STRA6: variants seen among roughly 807,000 people sequenced by gnomAD.
STRA6 encodes receptor for retinol uptake STRA6.
STRA6 carries 48 observed loss-of-function variants against 83.6 expected under a neutral mutation model. That is an observed-to-expected ratio of 0.57 (90% CI 0.46 to 0.73). The LOEUF (loss-of-function observed/expected upper bound fraction) is 0.73. Among genes scored for constraint, STRA6 ranks in the 30% least tolerant of loss-of-function variants. The pLI, the probability that STRA6 is intolerant of heterozygous loss-of-function variation, is 0.00. For synonymous variants in STRA6, 353 were observed against 362.3 expected (o/e 0.97, Z 0.29); for missense variants, 760 against 838.8 (o/e 0.91, Z 1.16).
intron 7 of STRA6, chr15:74,194,619 GC>G: frequency 1.7e-6 from 1 of 600,974 alleles, no homozygotes; most frequent in Non-Finnish European, 2.4e-6. Context: ...TGTCATGTCT[GC>G]CCTTCTGAAG....
At chr15:74,199,579 T>C (rs1023899662) in intron 2 of STRA6, among the ~76,000 whole-genome samples, 16 of 152,162 alleles carry the variant, frequency 1.1e-4, no homozygotes, top group Non-Finnish European at 2.9e-5. Flanking sequence ...TTTGACCATT[T>C]TCCTATGGAC....
At chr15:74,198,370 C>A (rs2073917415) in intron 2 of STRA6, among the ~76,000 whole-genome samples, 1 of 152,156 alleles carries the variant, frequency 6.6e-6, no homozygotes, top group Admixed American at 6.5e-5. Flanking sequence ...CTCAGCCTCC[C>A]AAAGTGCTGG....
chr15:74,195,529 A>G (rs561079455), intron 6 of STRA6, 61 bp from the exon 7 acceptor site: 6 of 1,596,946 alleles, frequency 3.8e-6, no homozygotes, highest in African/African-American at 2.7e-5. Flanking sequence ...GCCTGCAGTG[A>G]GCCCACCCAG....
Position 74,181,377 on chromosome 15 carries a change from G to C in STRA6, c.1602C>G (p.Leu534=). 1 of 1,613,362 alleles carries C rather than the reference G, an allele frequency of 6.2e-7. No homozygotes were observed. The highest frequency in any genetic ancestry group is 8.5e-7 in the Non-Finnish European group (1 of 1,179,692). The change falls in exon 17 of 19, where the codon CTC becomes CTG. Residue 534 remains leucine (L), a synonymous_variant. Coordinates refer to ENST00000395105, the MANE Select transcript of STRA6 (RefSeq NM_022369.4). ...VGAMVATWRV[L]LSALYNAIHL... is the part of the protein sequence containing the mutation. Reference sequence around the variant, plus strand: ...GGATGGCGTTGTAGAGGGCAGAGAGGAGCACTCGCCAGGTGGCCACCATGG... The same window carrying C: ...GGATGGCGTTGTAGAGGGCAGAGAGCAGCACTCGCCAGGTGGCCACCATGG...
intron 8 of STRA6, among the ~76,000 whole-genome samples, chr15:74,193,338 C>T (rs2073645442): frequency 1.3e-5 from 2 of 152,146 alleles, no homozygotes; most frequent in Non-Finnish European, 2.9e-5. Context: ...AGTCTACCTC[C>T]TCTAGGAAGC....
Position 74,184,963 on chromosome 15 carries a change from C to A in STRA6, c.1166+17G>T, listed in dbSNP as rs1555454597. 85 of 1,613,034 alleles carry A rather than the reference C, an allele frequency of 5.3e-5. No homozygotes were observed. The highest frequency in any genetic ancestry group is 6.8e-5 in the Non-Finnish European group (80 of 1,179,406). On this transcript the variant is annotated intron_variant, in intron 13 of 18. Coordinates refer to ENST00000395105, the MANE Select transcript of STRA6 (RefSeq NM_022369.4). The stretch of plus-strand genomic sequence containing the variant: ...TTCCCCACCTCGGCGCTGGGTGAGC[C>A]AGAGTCTGTCACTCACCTGTGTGTC...
intron 4 of STRA6, 52 bp from the exon 5 acceptor site, chr15:74,196,199 C>T (rs1248912345): frequency 8.7e-6 from 14 of 1,604,882 alleles, no homozygotes; most frequent in Non-Finnish European, 1.2e-5. Context: ...CCCCTGCACC[C>T]CCATTACCTC....
upstream of STRA6, among the ~76,000 whole-genome samples, chr15:74,205,758 G>A (rs2074246663): frequency 1.3e-5 from 2 of 152,180 alleles, no homozygotes; most frequent in African/African-American, 2.4e-5. Context: ...CACCCCCCAC[G>A]GAGAGCCCAG....
chr15:74,196,582 T>C (rs1274377451), intron 4 of STRA6, among the ~76,000 whole-genome samples: 1 of 152,198 alleles, frequency 6.6e-6, no homozygotes, highest in Non-Finnish European at 1.5e-5. Flanking sequence ...CCTTCTGGGC[T>C]CAGGGCAAGC....
At chr15:74,183,600 T>C (rs1177862657) in intron 14 of STRA6, 2 of 1,345,050 alleles carry the variant, frequency 1.5e-6, no homozygotes, top group African/African-American at 3.0e-5. Flanking sequence ...CCCATGTGAA[T>C]ACTTGGTGGC....
At chr15:74,196,336 C>G in intron 4 of STRA6, 189 bp from the exon 5 acceptor site, 1 of 954,496 alleles carries the variant, frequency 1.0e-6, no homozygotes, top group African/African-American at 1.6e-5. Context: ...GCTCTGGGCC[C>G]CGTGCCAAAG....
intron 7 of STRA6, 200 bp downstream of exon 7, chr15:74,195,102 G>A (rs781118090): frequency 4.1e-6 from 6 of 1,474,910 alleles, no homozygotes; most frequent in Non-Finnish European, 5.4e-6. Context: ...CTGAGGGCTG[G>A]GCCCAGCCAC....
intron 8 of STRA6, chr15:74,191,805 C>A (rs1489183278): frequency 2.1e-6 from 1 of 467,714 alleles, no homozygotes; most frequent in African/African-American, 2.0e-5. Flanking sequence ...TTTCTTCCCA[C>A]CCCTAGCCCT....
chr15:74,180,630 G>A lies in STRA6; in HGVS notation c.1840+152C>T, dbSNP rs1445381577. On this transcript the variant is annotated intron_variant, in intron 18 of 18. Transcript: ENST00000395105. The stretch of plus-strand genomic sequence containing the variant: ...CATATCATGGAAAAAATCACCCTGA[G>A]ATCAGACCAGGAGGGGTGACCAAAG... 6 of 1,070,254 alleles carry A rather than the reference G, an allele frequency of 5.6e-6. No homozygotes were observed. The East Asian group carries it at 1.0e-4, about 18-fold the overall frequency. The allele number at this position is 1,070,254 out of a possible 1,614,324, so 66.3% of individuals were successfully genotyped here. A position where few individuals can be genotyped will look rare whatever the true frequency, so the allele number is the denominator to read the frequency against.
At chr15:74,198,084 G>A (rs368336653) in intron 2 of STRA6, among the ~76,000 whole-genome samples, 3 of 152,104 alleles carry the variant, frequency 2.0e-5, no homozygotes, top group South Asian at 4.2e-4. Flanking sequence ...AGAGTAGACC[G>A]GCTCGGCCTG....
intron 8 of STRA6, among the ~76,000 whole-genome samples, chr15:74,192,826 C>T (rs2073613630): frequency 6.6e-6 from 1 of 152,200 alleles, no homozygotes; most frequent in Non-Finnish European, 1.5e-5. Flanking sequence ...CCTCTCTCAC[C>T]AGAAAGAAGT....
At chr15:74,183,694 G>C in intron 14 of STRA6, 162 bp downstream of exon 14, 1 of 1,570,266 alleles carries the variant, frequency 6.4e-7, no homozygotes, top group South Asian at 1.2e-5. Flanking sequence ...GCTTCTTAAG[G>C]GCAGGGAAGG....
At chr15:74,209,539 G>C, upstream of STRA6, 1 of 1,128,430 alleles carries the variant, frequency 8.9e-7, no homozygotes, top group Non-Finnish European at 1.2e-6. Flanking sequence ...TTCCAGGTAT[G>C]ATCTATTCCC....
At position 74,196,068 on chromosome 15, in the gene STRA6, A is replaced by G; in HGVS notation, c.346T>C (p.Leu116=). The part of the protein sequence containing the change: ...VFMVLLSSLC[L]LLPDEDALPF... ...AATGCGTCCTCGTCGGGGAGCAGCAAACACAGGGAGCTCAGGAGGACCATG... is the reference window on the plus strand; with the variant it reads ...AATGCGTCCTCGTCGGGGAGCAGCAGACACAGGGAGCTCAGGAGGACCATG... Residue 116 remains leucine, a synonymous_variant, in exon 5 of 19, where the codon TTG becomes CTG. Transcript: ENST00000395105. The G allele has an allele frequency of 6.2e-7, 1 of 1,614,028 alleles. No homozygotes were observed. The highest frequency in any genetic ancestry group is 8.5e-7 in the Non-Finnish European group (1 of 1,180,018).
Sources: allele counts gnomAD v4.1 joint callset (sites outside exome capture counted in the v4.1 genomes callset), GRCh38; gene constraint gnomAD v4.1.1; transcripts MANE v1.5; gene names NCBI Gene and HGNC (gene_info 2026-07-23, HGNC 2026-07-21).